KIF6: variants seen among roughly 807,000 people sequenced by gnomAD.
KIF6 encodes kinesin-like protein KIF6.
Under a neutral mutation model 112.7 loss-of-function variants are expected in KIF6, and 106 were observed. The ratio of observed to expected loss-of-function variants is 0.94; its 90% CI spans 0.80 to 1.11. The LOEUF (loss-of-function observed/expected upper bound fraction) is 1.11. Among genes scored for constraint, KIF6 ranks in the 50% least tolerant of loss-of-function variants. KIF6 has a pLI of 0.00. For synonymous variants in KIF6, 339 were observed against 339.9 expected (o/e 1.00, Z 0.03); for missense variants, 929 against 964.0 (o/e 0.96, Z 0.48).
intron 10 of KIF6, among the ~76,000 whole-genome samples, chr6:39,568,763 C>T (rs1317405274): frequency 2.6e-5 from 4 of 152,036 alleles, no homozygotes; most frequent in African/African-American, 9.7e-5. Flanking sequence ...GTTGGCCAGG[C>T]TGGTCTTGGA....
At chr6:39,630,864 A>G (rs540273904) in intron 5 of KIF6, among the ~76,000 whole-genome samples, 4 of 152,084 alleles carry the variant, frequency 2.6e-5, no homozygotes, top group African/African-American at 9.6e-5. Context: ...TAGTTTCCTG[A>G]GAGTATTTAT....
At chr6:39,372,701 A>C (rs1039283818) in intron 16 of KIF6, among the ~76,000 whole-genome samples, 8 of 152,338 alleles carry the variant, frequency 5.3e-5, no homozygotes, top group Middle Eastern at 3.4e-3. Context: ...TTTAAATAGA[A>C]TATTACGGAA....
intron 3 of KIF6, among the ~76,000 whole-genome samples, chr6:39,665,365 C>A (rs1321725497): frequency 6.6e-6 from 1 of 152,168 alleles, no homozygotes; most frequent in Admixed American, 6.5e-5. Flanking sequence ...TGCTTACACA[C>A]AAAGTCAATG....
At position 39,710,345 on chromosome 6, in the gene KIF6, C is replaced by T. The variant is rs564077832; in HGVS notation, c.251+4347G>A. 1.7e-4 allele frequency among the ~76,000 whole-genome samples: 26 copies of T among 152,094 alleles called. No individual in the cohort carries two copies. The East Asian group carries it at 2.9e-3, about 17-fold the overall frequency. On this transcript the variant is annotated intron_variant, in intron 3 of 22. Coordinates refer to ENST00000287152, the MANE Select transcript of KIF6 (RefSeq NM_145027.6). ...GAAACAGCATGCTCAAACAGACAAA[C>T]GCATTCTCAAATGACAGGGATAAGC...
chr6:39,440,018 G>A (rs565532955), intron 13 of KIF6, among the ~76,000 whole-genome samples: 2 of 152,102 alleles, frequency 1.3e-5, no homozygotes, highest in Non-Finnish European at 2.9e-5. Flanking sequence ...TTTCCTAGTC[G>A]GAGCCAAAAA....
chr6:39,719,146 C>T (rs1017907883), intron 2 of KIF6, among the ~76,000 whole-genome samples: 1 of 152,162 alleles, frequency 6.6e-6, no homozygotes, highest in South Asian at 2.1e-4. Flanking sequence ...TGGTGAAACC[C>T]TGTCTCTACT....
At chr6:39,682,527 C>A (rs1463342491) in intron 3 of KIF6, among the ~76,000 whole-genome samples, 1 of 152,176 alleles carries the variant, frequency 6.6e-6, no homozygotes, top group Non-Finnish European at 1.5e-5. Context: ...AGTGCATAAT[C>A]GAACTATGAA....
chr6:39,685,139 T>C (rs1787781484), intron 3 of KIF6, among the ~76,000 whole-genome samples: 1 of 152,234 alleles, frequency 6.6e-6, no homozygotes, highest in Non-Finnish European at 1.5e-5. Flanking sequence ...CATTGTTTTA[T>C]TTTAAGAGAG....
intron 15 of KIF6, among the ~76,000 whole-genome samples, chr6:39,415,314 A>G (rs923610455): frequency 8.6e-5 from 13 of 150,964 alleles, no homozygotes; most frequent in Admixed American, 6.6e-4. Context: ...AAAAAAAAAA[A>G]AAAAAAAAAA....
At position 39,551,862 on chromosome 6, in the gene KIF6, C is replaced by A. The variant is rs530009641; in HGVS notation, c.1182-6174G>T. 3.0e-4 allele frequency among the ~76,000 whole-genome samples: 45 copies of A among 152,320 alleles called. 1 individual carries two copies. In the South Asian group the frequency reaches 8.9e-3, roughly 30 times the overall value. ...TGTAAAATGTGTAGAATAATACCAT[C>A]TTTACACTATTAGCTTTACGAAATC... On this transcript the variant is annotated intron_variant, in intron 10 of 22. Coordinates refer to ENST00000287152, the MANE Select transcript of KIF6 (RefSeq NM_145027.6).
intron 13 of KIF6, among the ~76,000 whole-genome samples, chr6:39,482,398 C>A (rs1774854757): frequency 6.6e-6 from 1 of 152,114 alleles, no homozygotes; most frequent in Non-Finnish European, 1.5e-5. Context: ...GAAAAGAGGG[C>A]AATATCTGTT....
chr6:39,356,561 G>A (rs1338740298), intron 19 of KIF6, among the ~76,000 whole-genome samples: 3 of 152,142 alleles, frequency 2.0e-5, no homozygotes, highest in Admixed American at 6.5e-5. Context: ...CACCGTGCCC[G>A]GCCCTCTGAC....
At chr6:39,422,872 T>A (rs910538770) in intron 14 of KIF6, among the ~76,000 whole-genome samples, 1 of 152,104 alleles carries the variant, frequency 6.6e-6, no homozygotes, top group African/African-American at 2.4e-5. Context: ...CGCATCCTCA[T>A]CCATGAGATG....
intron 3 of KIF6, among the ~76,000 whole-genome samples, chr6:39,682,859 T>C (rs140612567): frequency 1.2e-5 from 1 of 81,314 alleles, no homozygotes; most frequent in African/African-American, 3.8e-5. Context: ...GTTACAGGCA[T>C]GAGCCACCGC....
intron 16 of KIF6, among the ~76,000 whole-genome samples, chr6:39,368,656 A>G (rs1413732193): frequency 6.6e-6 from 1 of 152,182 alleles, no homozygotes; most frequent in Non-Finnish European, 1.5e-5. Context: ...CCAATCCCAT[A>G]TGGCATTTGC....
chr6:39,579,071 T>G (rs1781141471), intron 9 of KIF6, among the ~76,000 whole-genome samples: 2 of 152,232 alleles, frequency 1.3e-5, no homozygotes, highest in African/African-American at 2.4e-5. Flanking sequence ...TGAGCACGTA[T>G]GTAAGAGTTT....
intron 3 of KIF6, among the ~76,000 whole-genome samples, chr6:39,681,527 A>AT (rs1333799877): frequency 6.6e-6 from 1 of 152,078 alleles, no homozygotes; most frequent in Non-Finnish European, 1.5e-5. Flanking sequence ...TTGCCTTTTA[A>AT]TTTTTTTCTC....
At chr6:39,390,559 G>A (rs1309531659) in intron 15 of KIF6, among the ~76,000 whole-genome samples, 1 of 152,132 alleles carries the variant, frequency 6.6e-6, no homozygotes, top group African/African-American at 2.4e-5. Flanking sequence ...GTTGAGTGGA[G>A]GACTAGGGCT....
At chr6:39,563,508 C>T (rs892818440) in intron 10 of KIF6, among the ~76,000 whole-genome samples, 1 of 152,128 alleles carries the variant, frequency 6.6e-6, no homozygotes, top group Admixed American at 6.6e-5. Context: ...ATAATATATG[C>T]ATATTATTTA....
Sources: allele counts gnomAD v4.1 joint callset (sites outside exome capture counted in the v4.1 genomes callset), GRCh38; gene constraint gnomAD v4.1.1; transcripts MANE v1.5; gene names NCBI Gene and HGNC (gene_info 2026-07-23, HGNC 2026-07-21).